ERCC6L2: variants seen among roughly 807,000 people sequenced by gnomAD.
ERCC6L2 encodes DNA excision repair protein ERCC-6-like 2.
Under a neutral mutation model 132.0 loss-of-function variants are expected in ERCC6L2, and 77 were observed. That is an observed-to-expected ratio of 0.58 (90% CI 0.49 to 0.71). The LOEUF (loss-of-function observed/expected upper bound fraction) is 0.71. ERCC6L2 is among the 30% of genes least tolerant of loss of function. The pLI is 0.00. For missense variants in ERCC6L2, 1,542 were observed against 1,837.6 expected (o/e 0.84, Z 2.94); for synonymous variants, 583 against 632.4 (o/e 0.92, Z 1.17).
intron 15 of ERCC6L2, among the ~76,000 whole-genome samples, chr9:95,970,946 A>C (rs1313519777): frequency 6.6e-6 from 1 of 152,156 alleles, no homozygotes; most frequent in African/African-American, 2.4e-5. Flanking sequence ...CAAATAAATA[A>C]TTTTTGACTA....
chr9:95,898,058 G>T, intron 3 of ERCC6L2, 87 bp downstream of exon 3: 3 of 1,202,990 alleles, frequency 2.5e-6, no homozygotes, highest in Non-Finnish European at 2.3e-6. Flanking sequence ...ACATTAAAAT[G>T]TATTGGTATA....
At chr9:95,928,231 A>G (rs1830184873) in intron 10 of ERCC6L2, 81 bp downstream of exon 10, 1 of 871,950 alleles carries the variant, frequency 1.1e-6, no homozygotes, top group South Asian at 1.7e-5. Flanking sequence ...CCTACATGAC[A>G]CCTTACAGCC....
chr9:95,970,540 C>A, intron 14 of ERCC6L2, 36 bp from the exon 15 acceptor site: 1 of 1,251,268 alleles, frequency 8.0e-7, no homozygotes, highest in Non-Finnish European at 1.1e-6. Flanking sequence ...CCCTGTGTTG[C>A]ATAGCTATTT....
Position 95,897,988 on chromosome 9 carries a change from A to G in ERCC6L2, c.594+17A>G, listed in dbSNP as rs758489041. ...GCAAAAAAGGTAAAATCTCTAGACA[A>G]TGTATATTCTACTCATGATGCTGGT... is the stretch of plus-strand genomic sequence containing the variant. On this transcript the variant is annotated intron_variant, in intron 3 of 18. Coordinates refer to ENST00000653738, the MANE Select transcript of ERCC6L2 (RefSeq NM_020207.7). 1.3e-6 allele frequency: 2 copies of G among 1,592,540 alleles called. No individual in the cohort carries two copies. The highest frequency in any genetic ancestry group is 1.1e-5 in the South Asian group (1 of 88,398).
rs778958594 is a variant in ERCC6L2, at chr9:95,915,848, T to TA, written c.950+25dup. The TA allele has an allele frequency of 7.6e-6, 12 of 1,571,332 alleles. No homozygotes were observed. The African/African-American group carries it at 1.5e-4, about 20-fold the overall frequency. On this transcript the variant is annotated intron_variant, in intron 5 of 18. Coordinates refer to ENST00000653738, the MANE Select transcript of ERCC6L2 (RefSeq NM_020207.7). ...TGGACTGGTGAGAGAAAACACTTTT[T>TA]AAAAAATTGTTTAATAGTTCTTCAG...
At chr9:95,939,612 T>G (rs1430678117) in intron 11 of ERCC6L2, among the ~76,000 whole-genome samples, 1 of 152,222 alleles carries the variant, frequency 6.6e-6, no homozygotes, top group African/African-American at 2.4e-5. Context: ...AAGTTTTGTA[T>G]TTCAGCTATT....
intron 3 of ERCC6L2, among the ~76,000 whole-genome samples, chr9:95,904,426 C>T (rs1485518223): frequency 6.6e-6 from 1 of 152,030 alleles, no homozygotes; most frequent in Non-Finnish European, 1.5e-5. Flanking sequence ...AATAAAGTTA[C>T]ACATCTCAAG....
intron 6 of ERCC6L2, among the ~76,000 whole-genome samples, chr9:95,920,312 C>A (rs1291183399): frequency 1.3e-5 from 2 of 152,042 alleles, no homozygotes; most frequent in Non-Finnish European, 2.9e-5. Flanking sequence ...AATATGAAGC[C>A]CTTTATGATG....
At chr9:95,953,961 G>T (rs1176177333) in intron 12 of ERCC6L2, among the ~76,000 whole-genome samples, 1 of 152,184 alleles carries the variant, frequency 6.6e-6, no homozygotes, top group Non-Finnish European at 1.5e-5. Flanking sequence ...AAGGACAAAG[G>T]AATAATGGCT....
chr9:95,977,594 A>G (rs1832723546), intron 16 of ERCC6L2, among the ~76,000 whole-genome samples: 1 of 152,192 alleles, frequency 6.6e-6, no homozygotes, highest in African/African-American at 2.4e-5. Flanking sequence ...AAAAGACAAA[A>G]TACAAACAGT....
chr9:95,915,635 T>C, intron 4 of ERCC6L2, 33 bp from the exon 5 acceptor site: 2 of 1,570,174 alleles, frequency 1.3e-6, no homozygotes, highest in Non-Finnish European at 1.7e-6. Context: ...GGAAGTTTTC[T>C]CAACCTCACC....
At chr9:96,005,168 C>T (rs1815714771) in intron 18 of ERCC6L2, among the ~76,000 whole-genome samples, 1 of 152,026 alleles carries the variant, frequency 6.6e-6, no homozygotes, top group Non-Finnish European at 1.5e-5. Context: ...AAAAAATTAG[C>T]CGGGCGTGGT....
intron 19 of ERCC6L2, among the ~76,000 whole-genome samples, chr9:96,026,272 G>T (rs965644288): frequency 1.3e-5 from 2 of 152,242 alleles, no homozygotes; most frequent in Non-Finnish European, 2.9e-5. Context: ...ACAGGCTCCT[G>T]TCCTGCGATC....
At chr9:96,028,491 A>C (rs1834411951) in intron 19 of ERCC6L2, among the ~76,000 whole-genome samples, 1 of 152,200 alleles carries the variant, frequency 6.6e-6, no homozygotes, top group Non-Finnish European at 1.5e-5. Context: ...CCTGGGGACC[A>C]CTAGGGTCCC....
chr9:95,914,893 T>C (rs1422593224), intron 4 of ERCC6L2, among the ~76,000 whole-genome samples: 1 of 152,178 alleles, frequency 6.6e-6, no homozygotes, highest in East Asian at 1.9e-4. Context: ...TTTAAAAGTT[T>C]GAGTTCATAT....
intron 6 of ERCC6L2, chr9:95,918,272 G>T: frequency 2.3e-6 from 1 of 430,412 alleles, no homozygotes. Context: ...CCACTACAGT[G>T]TAGCTGTGAT....
exon 20 of ERCC6L2, chr9:96,038,942 C>T (rs1834548635): frequency 4.4e-6 from 2 of 456,166 alleles, no homozygotes; most frequent in Non-Finnish European, 8.8e-6. Context: ...GAAGCTCAAG[C>T]AGCCATATGG....
chr9:95,906,596 C>T (rs1319181206), intron 3 of ERCC6L2: 2 of 447,346 alleles, frequency 4.5e-6, no homozygotes, highest in East Asian at 7.0e-5. Context: ...AGTGAATTTT[C>T]CAGTTCTTTA....
At chr9:95,998,553 G>T (rs2133182236) in intron 17 of ERCC6L2, among the ~76,000 whole-genome samples, 1 of 152,318 alleles carries the variant, frequency 6.6e-6, no homozygotes, top group African/African-American at 2.4e-5. Context: ...CCTGGCTGTG[G>T]TGAGAGGGTG....
Sources: gnomAD v4.1 joint callset for allele counts (sites outside exome capture counted in the v4.1 genomes callset) on GRCh38, gnomAD v4.1.1 for gene constraint, MANE v1.5 for transcripts, NCBI Gene and HGNC (gene_info 2026-07-23, HGNC 2026-07-21) for gene names.